Variants in FSTL4 observed in about 807,000 individuals in gnomAD.
The protein encoded by FSTL4 is follistatin-related protein 4.
In FSTL4, 28 loss-of-function variants were observed where a neutral mutation model predicts 78.2. That is an observed-to-expected ratio of 0.36 (90% CI 0.27 to 0.49). FSTL4 has a LOEUF of 0.49. FSTL4 is among the 20% of genes least tolerant of loss of function. The pLI, the probability that FSTL4 is intolerant of heterozygous loss-of-function variation, is 0.98. For missense variants in FSTL4, 922 were observed against 1,084.9 expected (o/e 0.85, Z 2.11); for synonymous variants, 422 against 440.5 (o/e 0.96, Z 0.53).
chr5:133,616,121 T>A (rs1297796384), upstream of FSTL4, among the ~76,000 whole-genome samples: 2 of 152,108 alleles, frequency 1.3e-5, no homozygotes, highest in African/African-American at 4.8e-5. Flanking sequence ...GGGGATGAGA[T>A]GGCCAGGCCT....
At chr5:133,216,030 T>C (rs1328587105) in intron 13 of FSTL4, among the ~76,000 whole-genome samples, 1 of 152,222 alleles carries the variant, frequency 6.6e-6, no homozygotes, top group Non-Finnish European at 1.5e-5. Context: ...ACAGGTTCTG[T>C]GGATTAGGAT....
At chr5:133,291,505 C>T (rs917314233) in intron 6 of FSTL4, among the ~76,000 whole-genome samples, 16 of 152,206 alleles carry the variant, frequency 1.1e-4, no homozygotes, top group Non-Finnish European at 2.2e-4. Flanking sequence ...GTATGGCTTA[C>T]AAGGCCTAAG....
chr5:133,679,904 C>G, the FSTL4 span, among the ~76,000 whole-genome samples: 1 of 152,120 alleles, frequency 6.6e-6, no homozygotes, highest in African/African-American at 2.4e-5. Context: ...AGGTAGCTTC[C>G]TGTCACTACT....
intron 4 of FSTL4, among the ~76,000 whole-genome samples, chr5:133,392,227 A>C (rs1401036948): frequency 6.6e-6 from 1 of 152,080 alleles, no homozygotes; most frequent in African/African-American, 2.4e-5. Context: ...GGTAGACTGA[A>C]ACGTGAGGAG....
chr5:133,841,695 G>A, the FSTL4 span, among the ~76,000 whole-genome samples: 1 of 152,196 alleles, frequency 6.6e-6, no homozygotes, highest in African/African-American at 2.4e-5. Flanking sequence ...ACAGCACAGG[G>A]CCAGCAGGGA....
At chr5:133,377,127 G>A (rs1755454049) in intron 4 of FSTL4, among the ~76,000 whole-genome samples, 1 of 152,122 alleles carries the variant, frequency 6.6e-6, no homozygotes, top group African/African-American at 2.4e-5. Context: ...CCAGGCTGTG[G>A]AGACTAAATT....
intron 3 of FSTL4, among the ~76,000 whole-genome samples, chr5:133,402,211 C>T (rs1243382786): frequency 6.6e-6 from 1 of 152,164 alleles, no homozygotes; most frequent in Non-Finnish European, 1.5e-5. Context: ...GTCCCCTGCA[C>T]CCTACAACAC....
intron 3 of FSTL4, among the ~76,000 whole-genome samples, chr5:133,527,787 C>G (rs988090436): frequency 1.3e-5 from 2 of 152,168 alleles, no homozygotes; most frequent in African/African-American, 4.8e-5. Flanking sequence ...CAGCAGGGTG[C>G]CTGGCCCAGA....
chr5:133,395,495 G>C (rs1487937905), intron 4 of FSTL4, among the ~76,000 whole-genome samples: 1 of 152,200 alleles, frequency 6.6e-6, no homozygotes, highest in African/African-American at 2.4e-5. Context: ...AACACTCACC[G>C]CGCGGGTCCG....
At position 133,233,453 on chromosome 5, in the gene FSTL4, C is replaced by T. The variant is rs140732785; in HGVS notation, c.979G>A (p.Glu327Lys). The T allele has an allele frequency of 9.3e-6, 15 of 1,614,068 alleles. No individual in the cohort carries two copies. Among genetic ancestry groups the T allele is most frequent in the African/African-American group, 4.0e-5 (3 of 74,928 alleles). The change falls in exon 8 of 16, where the codon GAG (glutamate) becomes AAG (lysine). Residue 327 changes from glutamate (E) to lysine (K), a missense_variant. Transcript: ENST00000265342. Reference sequence around the variant, plus strand: ...AGGACGTGGGTCTGGAACAGCTGCTCGTGGCCGGAAGCATGGCAGGTGTAA... The same window carrying T: ...AGGACGTGGGTCTGGAACAGCTGCTTGTGGCCGGAAGCATGGCAGGTGTAA... ...GNYTCHASGH[E>K]QLFQTHVLQV...
At position 133,401,024 on chromosome 5, in the gene FSTL4, A is replaced by C. The variant is rs765532220; in HGVS notation, c.161-38T>G. 6.2e-6 allele frequency: 10 copies of C among 1,608,146 alleles called. No homozygotes were observed. The South Asian group carries it at 9.9e-5, about 16-fold the overall frequency. On this transcript the variant is annotated intron_variant, in intron 3 of 15. Transcript: ENST00000265342. ...CAAACACAGAGGGTCAGCTGTAAAC[A>C]CTCAGAGGGTCTGGGGTCGAGGGCT...
chr5:133,456,638 T>A (rs1757497473), intron 3 of FSTL4, among the ~76,000 whole-genome samples: 1 of 152,164 alleles, frequency 6.6e-6, no homozygotes, highest in African/African-American at 2.4e-5. Context: ...TTTCCTTTTT[T>A]TCTGAAGACT....
intron 3 of FSTL4, among the ~76,000 whole-genome samples, chr5:133,462,842 C>G (rs1206933554): frequency 6.6e-6 from 1 of 152,138 alleles, no homozygotes; most frequent in Non-Finnish European, 1.5e-5. Flanking sequence ...ATAATTTTCC[C>G]TACTATTTGA....
chr5:133,697,894 CCT>C, the FSTL4 span, among the ~76,000 whole-genome samples: 3 of 143,566 alleles, frequency 2.1e-5, no homozygotes, highest in African/African-American at 8.2e-5. Flanking sequence ...AGTGTCTGTC[CCT>C]GTCACCAGGG....
At chr5:133,613,558 T>C (rs1411063938), upstream of FSTL4, among the ~76,000 whole-genome samples, 1 of 152,216 alleles carries the variant, frequency 6.6e-6, no homozygotes, top group Non-Finnish European at 1.5e-5. Context: ...ATTACGTTTG[T>C]TTTTTCCTTC....
intron 4 of FSTL4, among the ~76,000 whole-genome samples, chr5:133,377,404 G>A (rs2126949652): frequency 6.6e-6 from 1 of 152,374 alleles, no homozygotes; most frequent in Non-Finnish European, 1.5e-5. Context: ...CTCTGGAGCA[G>A]TGGCTTGGAG....
At chr5:133,731,268 C>T in the FSTL4 span, among the ~76,000 whole-genome samples, 2 of 152,022 alleles carry the variant, frequency 1.3e-5, no homozygotes, top group Non-Finnish European at 1.5e-5. Context: ...CTCGACTGGA[C>T]GAGCCCTGGC....
chr5:133,670,834 A>T, the FSTL4 span, among the ~76,000 whole-genome samples: 1 of 152,196 alleles, frequency 6.6e-6, no homozygotes, highest in Non-Finnish European at 1.5e-5. Flanking sequence ...GGATGTGAAT[A>T]ATTTTGATCA....
At chr5:133,257,981 C>T (rs765009962) in intron 6 of FSTL4, among the ~76,000 whole-genome samples, 6 of 152,200 alleles carry the variant, frequency 3.9e-5, no homozygotes, top group Non-Finnish European at 8.8e-5. Context: ...AAAATTCATA[C>T]AGATCTCTAA....
Sources: allele counts gnomAD v4.1 joint callset (sites outside exome capture counted in the v4.1 genomes callset), GRCh38; gene constraint gnomAD v4.1.1; transcripts MANE v1.5; gene names NCBI Gene and HGNC (gene_info 2026-07-23, HGNC 2026-07-21).